Variants in TEX9 observed in about 807,000 individuals in gnomAD.
TEX9 encodes the protein testis expressed 9.
TEX9 carries 74 observed loss-of-function variants against 59.6 expected under a neutral mutation model. The ratio of observed to expected loss-of-function variants is 1.24; its 90% CI spans 1.03 to 1.51. The LOEUF (loss-of-function observed/expected upper bound fraction) is 1.51. Among genes scored for constraint, TEX9 ranks in the 40% most tolerant of loss-of-function variants. The pLI, the probability that TEX9 is intolerant of heterozygous loss-of-function variation, is 0.00. For synonymous variants in TEX9, 186 were observed against 152.2 expected (o/e 1.22, Z -1.64); for missense variants, 522 against 447.8 (o/e 1.17, Z -1.49).
chr15:56,458,081 T>C, the TEX9 span, among the ~76,000 whole-genome samples: 1 of 152,218 alleles, frequency 6.6e-6, no homozygotes, highest in African/African-American at 2.4e-5. Context: ...TGAATCTCCA[T>C]GAATTATGCT....
chr15:56,363,547 G>T (rs1042035479), upstream of TEX9, among the ~76,000 whole-genome samples: 3 of 151,978 alleles, frequency 2.0e-5, no homozygotes, highest in Non-Finnish European at 4.4e-5. Flanking sequence ...TTTCCCTGAG[G>T]ACAATACTGA....
intron 1 of TEX9, among the ~76,000 whole-genome samples, chr15:56,325,587 C>CA (rs1353333845): frequency 6.6e-6 from 1 of 152,138 alleles, no homozygotes; most frequent in Non-Finnish European, 1.5e-5. Flanking sequence ...CAGTATTACA[C>CA]ATTGGCTCTT....
intron 1 of TEX9, among the ~76,000 whole-genome samples, chr15:56,308,018 T>G (rs1312750571): frequency 6.6e-6 from 1 of 152,244 alleles, no homozygotes; most frequent in Admixed American, 6.5e-5. Context: ...TTTTAGCTAT[T>G]ATGAATAATG....
At chr15:56,394,187 G>C (rs1246945738) in exon 8 of TEX9, 1 of 1,608,148 alleles carries the variant, frequency 6.2e-7, no homozygotes, top group Non-Finnish European at 8.5e-7. Context: ...GATTTCTAAA[G>C]GCCAAACTCC....
At chr15:56,329,428 A>G (rs960623830) in intron 1 of TEX9, among the ~76,000 whole-genome samples, 1 of 152,178 alleles carries the variant, frequency 6.6e-6, no homozygotes, top group Non-Finnish European at 1.5e-5. Flanking sequence ...AATGACACCA[A>G]ACGAACTAAA....
intron 12 of TEX9, chr15:56,434,036 TTGTC>T: frequency 7.8e-7 from 1 of 1,277,486 alleles, no homozygotes; most frequent in Admixed American, 2.3e-5. Context: ...CATACTAACA[TTGTC>T]TGGCATATAA....
At chr15:56,391,316 C>T (rs1412509332) in exon 7 of TEX9, 5 of 1,601,728 alleles carry the variant, frequency 3.1e-6, no homozygotes, top group Non-Finnish European at 2.6e-6. Flanking sequence ...AGACTTTTCC[C>T]TTGCAAAAAC....
intron 9 of TEX9, among the ~76,000 whole-genome samples, chr15:56,404,288 A>G (rs1477760908): frequency 1.3e-5 from 2 of 152,230 alleles, no homozygotes; most frequent in Non-Finnish European, 2.9e-5. Flanking sequence ...ACAAATTTAC[A>G]AGAAGAAAAT....
At chr15:56,245,242 C>G (rs2043820213) in intron 1 of TEX9, among the ~76,000 whole-genome samples, 1 of 152,172 alleles carries the variant, frequency 6.6e-6, no homozygotes, top group Non-Finnish European at 1.5e-5. Flanking sequence ...ACTGTGCCCT[C>G]TCTCCTGGCC....
chr15:56,444,416 A>G (rs372539931), intron 12 of TEX9: 100 of 1,569,628 alleles, frequency 6.4e-5, no homozygotes, highest in Admixed American at 1.8e-4. Flanking sequence ...AAACATTTAG[A>G]CATGTAAGAA....
In TEX9 at chr15:56,384,037, T is replaced by C. The variant is rs1298971414; in HGVS notation, c.263+6T>C. ...GAAGATGATTACAGTTTAAGGTAAGTATCTTAAATTCTCAAGCACCTTCTT... is the reference window on the plus strand; with the variant it reads ...GAAGATGATTACAGTTTAAGGTAAGCATCTTAAATTCTCAAGCACCTTCTT... On this transcript the variant is annotated splice_donor_region_variant and intron_variant, in intron 4 of 12. Coordinates refer to ENST00000352903, the Ensembl canonical transcript of TEX9. The C allele has an allele frequency of 4.4e-6, 7 of 1,604,656 alleles. No homozygotes were observed. The South Asian group carries it at 6.7e-5, about 15-fold the overall frequency.
intron 1 of TEX9, among the ~76,000 whole-genome samples, chr15:56,320,717 A>T (rs1456213560): frequency 6.6e-6 from 1 of 152,166 alleles, no homozygotes; most frequent in African/African-American, 2.4e-5. Flanking sequence ...TAGCCATATG[A>T]TTTGTCATCA....
intron 1 of TEX9, among the ~76,000 whole-genome samples, chr15:56,262,180 G>C (rs1293166539): frequency 2.0e-5 from 3 of 152,208 alleles, no homozygotes; most frequent in Non-Finnish European, 2.9e-5. Flanking sequence ...CTAGTGCCCT[G>C]TAATGACAAA....
chr15:56,395,680 G>A (rs1349872709), intron 9 of TEX9: 1 of 152,102 alleles, frequency 6.6e-6, no homozygotes, highest in African/African-American at 2.4e-5. Context: ...GTGTAAAAGG[G>A]TTACCTCATT....
chr15:56,336,361 G>T (rs948939098), intron 1 of TEX9, among the ~76,000 whole-genome samples: 8 of 152,100 alleles, frequency 5.3e-5, no homozygotes, highest in Admixed American at 4.6e-4. Flanking sequence ...GCATAAATGA[G>T]ATTTCCTTAT....
At chr15:56,318,925 T>G (rs1414994357) in intron 1 of TEX9, among the ~76,000 whole-genome samples, 1 of 152,160 alleles carries the variant, frequency 6.6e-6, no homozygotes, top group Non-Finnish European at 1.5e-5. Context: ...ACTCAACAAA[T>G]GAGATTAAAG....
At chr15:56,392,696 A>G (rs1241142591) in intron 7 of TEX9, among the ~76,000 whole-genome samples, 1 of 152,136 alleles carries the variant, frequency 6.6e-6, no homozygotes, top group Non-Finnish European at 1.5e-5. Flanking sequence ...CACTTACTAT[A>G]TTTACTGATC....
chr15:56,346,243 G>A (rs188047014), intron 1 of TEX9, among the ~76,000 whole-genome samples: 1 of 152,310 alleles, frequency 6.6e-6, no homozygotes, highest in East Asian at 1.9e-4. Flanking sequence ...GCCTCAGAGA[G>A]GCAGGAGAGA....
chr15:56,261,577 G>A (rs1000038527), intron 1 of TEX9, among the ~76,000 whole-genome samples: 3 of 152,088 alleles, frequency 2.0e-5, no homozygotes, highest in Admixed American at 1.3e-4. Context: ...AATTAGCCAG[G>A]CGCAGTAGCA....
Sources: allele counts gnomAD v4.1 joint callset (sites outside exome capture counted in the v4.1 genomes callset), GRCh38; gene constraint gnomAD v4.1.1; transcripts MANE v1.5; gene names NCBI Gene and HGNC (gene_info 2026-07-23, HGNC 2026-07-21).